Variants in FNDC3A observed in about 807,000 individuals in gnomAD.
FNDC3A encodes fibronectin type-III domain-containing protein 3A.
In FNDC3A, 32 loss-of-function variants were observed where a neutral mutation model predicts 148.9. That is an observed-to-expected ratio of 0.21 (90% confidence interval 0.16 to 0.29). FNDC3A has a LOEUF of 0.29. FNDC3A is among the 10% of genes least tolerant of loss of function. The pLI is 1.00. For synonymous variants in FNDC3A, 472 were observed against 473.6 expected, an observed-to-expected ratio of 1.00 and a Z score of 0.04; for missense variants, 1,191 against 1,452.8, an observed-to-expected ratio of 0.82 and a Z score of 2.93.
In FNDC3A at chr13:49,181,060, A is replaced by G. The variant is rs184447356; in HGVS notation, c.1617+2406A>G. On this transcript the variant is annotated intron_variant, in intron 14 of 25. Transcript: ENST00000492622. ...CGTGTCACTGCACTCCAGCCTAGGCAGCAGAGCAAGACCCCATCTCTTAAT... is the reference window on the plus strand; with the variant it reads ...CGTGTCACTGCACTCCAGCCTAGGCGGCAGAGCAAGACCCCATCTCTTAAT... Among the ~76,000 whole-genome samples the G allele has an allele frequency of 9.6e-4, 146 of 152,316 alleles. 1 individual carries two copies. The highest frequency in any genetic ancestry group is 3.4e-3 in the African/African-American group (140 of 41,580).
At chr13:49,164,715 TCTC>T (rs750518750) in intron 8 of FNDC3A, among the ~76,000 whole-genome samples, 2 of 152,090 alleles carry the variant, frequency 1.3e-5, no homozygotes, top group Non-Finnish European at 2.9e-5. Context: ...TTCAAGCAGT[TCTC>T]CTGCCTAAGC....
At chr13:49,011,134 T>C (rs888205286) in intron 2 of FNDC3A, among the ~76,000 whole-genome samples, 8 of 152,314 alleles carry the variant, frequency 5.3e-5, no homozygotes, top group Non-Finnish European at 8.8e-5. Context: ...TTAATCAAAC[T>C]GTTAATATAT....
chr13:49,072,573 A>G (rs943065013), intron 2 of FNDC3A, among the ~76,000 whole-genome samples: 1 of 152,098 alleles, frequency 6.6e-6, no homozygotes, highest in Non-Finnish European at 1.5e-5. Context: ...TGTAGCTATT[A>G]TAAATTAGGT....
intron 4 of FNDC3A, among the ~76,000 whole-genome samples, chr13:49,125,308 T>A (rs1881628641): frequency 1.3e-5 from 2 of 152,146 alleles, no homozygotes; most frequent in South Asian, 4.1e-4. Context: ...AAGAGATTTA[T>A]ATGAGAATGA....
chr13:49,186,719 T>A (rs183838123), intron 15 of FNDC3A, among the ~76,000 whole-genome samples: 75 of 151,954 alleles, frequency 4.9e-4, no homozygotes, highest in African/African-American at 1.7e-3. Context: ...ACTACAAAAA[T>A]TAGCTGGGCA....
intron 15 of FNDC3A, among the ~76,000 whole-genome samples, chr13:49,186,817 G>A (rs1885598048): frequency 2.0e-5 from 3 of 152,132 alleles, no homozygotes; most frequent in Admixed American, 6.5e-5. Flanking sequence ...GCAGTGAGTC[G>A]AGATTGTACC....
intron 1 of FNDC3A, chr13:48,976,855 C>G (rs747700655): frequency 6.6e-6 from 1 of 152,180 alleles, no homozygotes. Context: ...AGTCCTCGCC[C>G]GGTTTTAACA....
At chr13:49,051,579 A>G (rs184088487) in intron 2 of FNDC3A, among the ~76,000 whole-genome samples, 242 of 152,326 alleles carry the variant, frequency 1.6e-3, no homozygotes, top group Non-Finnish European at 2.9e-3. Flanking sequence ...AGGTTACCTG[A>G]TGCTTTTGCC....
chr13:49,065,272 G>T (rs1323127021), intron 2 of FNDC3A, among the ~76,000 whole-genome samples: 2 of 152,122 alleles, frequency 1.3e-5, no homozygotes, highest in East Asian at 3.9e-4. Context: ...TTACATGGTA[G>T]CTCAGGAACC....
At chr13:49,017,993 C>G (rs1872954498) in intron 2 of FNDC3A, among the ~76,000 whole-genome samples, 1 of 152,154 alleles carries the variant, frequency 6.6e-6, no homozygotes, top group Non-Finnish European at 1.5e-5. Context: ...ATGGGCTTCC[C>G]TTTTTGGGTA....
intron 25 of FNDC3A, among the ~76,000 whole-genome samples, chr13:49,205,709 T>A (rs972589453): frequency 3.3e-5 from 5 of 152,170 alleles, no homozygotes; most frequent in Non-Finnish European, 5.9e-5. Flanking sequence ...CCTGAAACAT[T>A]ATGCATCCTT....
At position 49,208,932 on chromosome 13, in the gene FNDC3A, T is replaced by C. The variant is rs942781361; in HGVS notation, c.*1537T>C. 3 of 152,630 alleles carry C rather than the reference T, an allele frequency of 2.0e-5. No individual in the cohort carries two copies. Among genetic ancestry groups the C allele is most frequent in the African/African-American group, 7.2e-5 (3 of 41,440 alleles). The allele number at this position is 152,630 out of a possible 1,614,324, so 9.5% of individuals were successfully genotyped here. On this transcript the variant is annotated 3_prime_UTR_variant, in exon 26 of 26. Coordinates refer to ENST00000492622, the MANE Select transcript of FNDC3A (RefSeq NM_001079673.2). The stretch of plus-strand genomic sequence containing the variant: ...TTTCTTTTATAATAGAATGGGCATG[T>C]ATTGTAACAGTTTTATGTCAAATGA...
chr13:49,106,125 C>T (rs1245965615), intron 3 of FNDC3A, among the ~76,000 whole-genome samples: 2 of 152,158 alleles, frequency 1.3e-5, no homozygotes, highest in Non-Finnish European at 2.9e-5. Flanking sequence ...ACTGGTTGCT[C>T]CCTCTGTGTA....
chr13:49,009,999 A>G (rs2987528), intron 2 of FNDC3A, among the ~76,000 whole-genome samples: 49,309 of 152,142 alleles, frequency 0.32, 8,095 homozygotes, highest in South Asian at 0.49. Context: ...AGATGGCACA[A>G]AGAGGCTAAT....
chr13:49,004,375 A>G (rs911262726), intron 1 of FNDC3A, among the ~76,000 whole-genome samples: 59 of 152,206 alleles, frequency 3.9e-4, no homozygotes, highest in African/African-American at 1.4e-3. Context: ...CAATAAACCA[A>G]TTTATAAATG....
At chr13:49,073,771 TAA>T (rs1877886809) in intron 2 of FNDC3A, among the ~76,000 whole-genome samples, 6 of 146,624 alleles carry the variant, frequency 4.1e-5, no homozygotes. Context: ...TATATGTATA[TAA>T]TATATATGTG....
chr13:49,056,733 A>C (rs1029601552), intron 2 of FNDC3A, among the ~76,000 whole-genome samples: 1 of 151,944 alleles, frequency 6.6e-6, no homozygotes, highest in Non-Finnish European at 1.5e-5. Flanking sequence ...CAGTGACCAC[A>C]TTTTCGAATT....
At chr13:49,162,443 G>A in intron 8 of FNDC3A, among the ~76,000 whole-genome samples, 1 of 152,172 alleles carries the variant, frequency 6.6e-6, no homozygotes, top group East Asian at 1.9e-4. Flanking sequence ...CTCGTGCCAT[G>A]GTTTTCAGCT....
At chr13:49,132,021 T>C (rs1882067173) in intron 5 of FNDC3A, among the ~76,000 whole-genome samples, 1 of 152,226 alleles carries the variant, frequency 6.6e-6, no homozygotes, top group Non-Finnish European at 1.5e-5. Context: ...TTGCTTTTTT[T>C]CCGTCCCTTC....
Sources: gnomAD v4.1 joint callset for allele counts (sites outside exome capture counted in the v4.1 genomes callset) on GRCh38, gnomAD v4.1.1 for gene constraint, MANE v1.5 for transcripts, NCBI Gene and HGNC (gene_info 2026-07-23, HGNC 2026-07-21) for gene names.